Variants in RBFOX3 observed in about 807,000 individuals in gnomAD.
The protein encoded by RBFOX3 is RNA binding fox-1 homolog 3, also known as RNA binding protein fox-1 homolog 3.
A neutral mutation model predicts 48.7 loss-of-function variants in RBFOX3; 17 were observed. The ratio of observed to expected loss-of-function variants is 0.35; its 90% confidence interval spans 0.24 to 0.52. The LOEUF is 0.52. Among genes scored for constraint, RBFOX3 ranks in the 20% least tolerant of loss-of-function variants. The pLI, the probability that RBFOX3 is intolerant of heterozygous loss-of-function variation, is 0.94. For synonymous variants in RBFOX3, 212 were observed against 209.5 expected (o/e 1.01, Z -0.10); for missense variants, 382 against 497.5 (o/e 0.77, Z 2.21).
At chr17:79,320,828 G>C (rs2078415706) in intron 2 of RBFOX3, among the ~76,000 whole-genome samples, 1 of 151,838 alleles carries the variant, frequency 6.6e-6, no homozygotes, top group Admixed American at 6.5e-5. Context: ...TTGAGGTGCT[G>C]TTCTAGGTCT....
At chr17:79,143,693 C>T (rs79967633) in intron 4 of RBFOX3, among the ~76,000 whole-genome samples, 4 of 152,186 alleles carry the variant, frequency 2.6e-5, no homozygotes, top group East Asian at 1.9e-4. Context: ...AGGGGACCGT[C>T]GTCCTCCAGC....
chr17:79,265,132 G>A lies in RBFOX3; in HGVS notation c.-73-29327C>T, dbSNP rs111628674. ...CTGGGCAGAGGCAGTCCAGCCCCCC[G>A]TTCCAAAGGACAAAACGCAGAACAC... is the stretch of plus-strand genomic sequence containing the variant. On this transcript the variant is annotated intron_variant, in intron 3 of 14. Transcript: ENST00000693108. Among the ~76,000 whole-genome samples the A allele has an allele frequency of 1.7e-3, 263 of 152,306 alleles. 1 individual carries two copies. The highest frequency in any genetic ancestry group is 5.9e-3 in the African/African-American group (247 of 41,564).
In RBFOX3 at chr17:79,220,040, G is replaced by C. The variant is rs1218143186; in HGVS notation, c.-34+15726C>G. 6.6e-6 allele frequency among the ~76,000 whole-genome samples: 1 copy of C among 150,710 alleles called. No individual in the cohort carries two copies. The highest frequency in any genetic ancestry group is 1.5e-5 in the Non-Finnish European group (1 of 67,652). ...ACACCTCCAACCGGCACCCCTGCCTGCTGGGCCCTGGGGGAAGGGTGGCAT... is the reference window on the plus strand; with the variant it reads ...ACACCTCCAACCGGCACCCCTGCCTCCTGGGCCCTGGGGGAAGGGTGGCAT... On this transcript the variant is annotated intron_variant, in intron 4 of 14. Transcript: ENST00000693108. This position sits in a 1 kb window ranked among gnomAD's most constrained non-coding sequence, Gnocchi z 5.9.
Position 79,097,718 on chromosome 17 carries a change from G to A in RBFOX3, c.596C>T (p.Ala199Val), listed in dbSNP as rs1313108512. ...NGWKLNPVVG[A>V]VYGPEFYAVT... ...TGCATAGAATTCAGGCCCGTAGACTGCGCCGACCACTGGATTTAGCTTCCA... is the reference window on the plus strand; with the variant it reads ...TGCATAGAATTCAGGCCCGTAGACTACGCCGACCACTGGATTTAGCTTCCA... Residue 199 changes from alanine to valine, a missense_variant, in exon 10 of 15, where the codon GCA (alanine) becomes GTA (valine). Ala to Val is a moderately conservative substitution (Grantham distance 64). Around this residue, in one of 3 missense-constraint regions of RBFOX3, gnomAD observed 215 missense variants for 254.8 expected, o/e 0.84. Transcript: ENST00000693108. 1 of 1,550,226 alleles carries A rather than the reference G, an allele frequency of 6.5e-7. No individual in the cohort carries two copies. The highest frequency in any genetic ancestry group is 8.7e-7 in the Non-Finnish European group (1 of 1,146,672).
intron 1 of RBFOX3, among the ~76,000 whole-genome samples, chr17:79,506,931 G>A (rs1338112970): frequency 6.6e-5 from 10 of 152,206 alleles, no homozygotes; most frequent in Non-Finnish European, 4.4e-5. Context: ...ACCACAGGAG[G>A]CCTGCGCAGA....
intron 2 of RBFOX3, among the ~76,000 whole-genome samples, chr17:79,414,720 G>A (rs941577096): frequency 1.3e-5 from 2 of 152,238 alleles, no homozygotes; most frequent in Non-Finnish European, 2.9e-5. Context: ...CCAAGAGGAT[G>A]GGCACCTGGG....
At chr17:79,461,336 T>C (rs1466578396) in intron 2 of RBFOX3, among the ~76,000 whole-genome samples, 2 of 152,218 alleles carry the variant, frequency 1.3e-5, no homozygotes, top group African/African-American at 4.8e-5. Flanking sequence ...CTCATTCACA[T>C]TCTTTCTGTT....
chr17:79,521,859 G>A (rs886472710), intron 1 of RBFOX3, among the ~76,000 whole-genome samples: 3,729 of 152,158 alleles, frequency 0.025, 80 homozygotes, highest in Non-Finnish European at 0.032. Flanking sequence ...ATTTTATCTC[G>A]GCTCATTCAA....
Position 79,214,505 on chromosome 17 carries a change from G to A in RBFOX3, c.-34+21261C>T, listed in dbSNP as rs182586809. On this transcript the variant is annotated intron_variant, in intron 4 of 14. Coordinates refer to ENST00000693108, the MANE Select transcript of RBFOX3 (RefSeq NM_001350451.2). This position sits in a 1 kb window ranked among gnomAD's most constrained non-coding sequence, Gnocchi z 4.7. ...TGCCCACCCTGGCACCCAGGGAGGA[G>A]GAGGAGAGATGGGAGAAGAGGGGCT... Among the ~76,000 whole-genome samples, 1 of 152,156 alleles carries A rather than the reference G, an allele frequency of 6.6e-6. No individual in the cohort carries two copies. Among genetic ancestry groups the A allele is most frequent in the Admixed American group, 6.5e-5 (1 of 15,294 alleles).
intron 1 of RBFOX3, among the ~76,000 whole-genome samples, chr17:79,542,810 CAAAA>C (rs1555790725): frequency 6.6e-6 from 1 of 152,042 alleles, no homozygotes; most frequent in East Asian, 1.9e-4. Context: ...TTTTACAAAA[CAAAA>C]GAAATTAATT....
At chr17:79,118,851 C>A (rs931064855) in intron 4 of RBFOX3, among the ~76,000 whole-genome samples, 1 of 151,646 alleles carries the variant, frequency 6.6e-6, no homozygotes, top group African/African-American at 2.4e-5. Flanking sequence ...GTGGCACATG[C>A]CTCTAGTCCC....
intron 3 of RBFOX3, among the ~76,000 whole-genome samples, chr17:79,301,961 G>T (rs1241690686): frequency 6.6e-6 from 1 of 152,156 alleles, no homozygotes; most frequent in African/African-American, 2.4e-5. Context: ...GGAGGGGGTG[G>T]TTTCTAAATT....
At chr17:79,270,152 C>T (rs1451962701) in intron 3 of RBFOX3, among the ~76,000 whole-genome samples, 1 of 152,200 alleles carries the variant, frequency 6.6e-6, no homozygotes, top group African/African-American at 2.4e-5. Flanking sequence ...GGCTCCTCTT[C>T]CTCAAAAATG....
At chr17:79,504,723 C>T (rs1156403107) in intron 1 of RBFOX3, among the ~76,000 whole-genome samples, 2 of 152,192 alleles carry the variant, frequency 1.3e-5, no homozygotes. Flanking sequence ...AATCCAGCAC[C>T]ATCTCCCCAG....
At chr17:79,136,950 G>T (rs1013531109) in intron 4 of RBFOX3, among the ~76,000 whole-genome samples, 39 of 152,244 alleles carry the variant, frequency 2.6e-4, no homozygotes, top group African/African-American at 9.4e-4. Flanking sequence ...TCCCAGGGGC[G>T]TGGGGACAGC....
intron 2 of RBFOX3, among the ~76,000 whole-genome samples, chr17:79,451,938 T>G (rs1877681): frequency 6.6e-6 from 1 of 152,074 alleles, no homozygotes; most frequent in Non-Finnish European, 1.5e-5. Context: ...CACCCAGTAC[T>G]GGCACCCTCA....
chr17:79,631,812 G>C, the RBFOX3 span, among the ~76,000 whole-genome samples: 2 of 152,192 alleles, frequency 1.3e-5, no homozygotes, highest in African/African-American at 4.8e-5. Flanking sequence ...CCACCCTCAG[G>C]CTGCTCCCCC....
intron 4 of RBFOX3, among the ~76,000 whole-genome samples, chr17:79,219,537 C>T (rs148661350): frequency 7.3e-4 from 111 of 152,284 alleles, no homozygotes; most frequent in African/African-American, 2.6e-3. Context: ...TTGGCCTCGC[C>T]TGGTACTGCC....
chr17:79,287,148 T>G (rs4789996), intron 3 of RBFOX3, among the ~76,000 whole-genome samples: 10,069 of 152,308 alleles, frequency 0.066, 385 homozygotes, highest in East Asian at 0.2. Flanking sequence ...CAAAGGGTGC[T>G]CTTTTTAAGG....
Sources: allele counts gnomAD v4.1 joint callset (sites outside exome capture counted in the v4.1 genomes callset), GRCh38; gene constraint gnomAD v4.1.1; regional missense constraint gnomAD v4.1.1; non-coding constraint Gnocchi (gnomAD v3.1); transcripts MANE v1.5; gene names NCBI Gene and HGNC (gene_info 2026-07-23, HGNC 2026-07-21).